BABAM2: variants seen among roughly 807,000 people sequenced by gnomAD.
BABAM2 encodes the protein BRISC and BRCA1-A complex member 2.
In BABAM2, 31 loss-of-function variants were observed where a neutral mutation model predicts 54.7. The ratio of observed to expected loss-of-function variants is 0.57; its 90% CI spans 0.43 to 0.77. The LOEUF (loss-of-function observed/expected upper bound fraction) is 0.77, where lower values mean the gene tolerates loss of function less well. BABAM2 is among the 30% of genes least tolerant of loss of function. BABAM2 has a pLI of 0.00. For synonymous variants in BABAM2, 167 were observed against 162.9 expected (o/e 1.03, Z -0.19); for missense variants, 364 against 455.8 (o/e 0.80, Z 1.83).
chr2:28,222,225 A>G (rs1252057425), intron 7 of BABAM2, among the ~76,000 whole-genome samples: 1 of 152,190 alleles, frequency 6.6e-6, no homozygotes, highest in Admixed American at 6.5e-5. Flanking sequence ...GGAGAGTACT[A>G]GGAATCCTGA....
At chr2:27,913,087 AT>A (rs1246540018) in intron 2 of BABAM2, among the ~76,000 whole-genome samples, 1 of 152,290 alleles carries the variant, frequency 6.6e-6, no homozygotes, top group East Asian at 1.9e-4. Flanking sequence ...GGAAGAACAG[AT>A]TAAAAAAAAT....
intron 3 of BABAM2, among the ~76,000 whole-genome samples, chr2:27,965,503 G>A (rs956473436): frequency 2.0e-5 from 3 of 151,860 alleles, no homozygotes; most frequent in Non-Finnish European, 4.4e-5. Context: ...GCGTCATATC[G>A]TGTCATCCAT....
chr2:28,181,982 A>G lies in BABAM2; in HGVS notation c.680+52602A>G, dbSNP rs151184364. Among the ~76,000 whole-genome samples the G allele has an allele frequency of 3.2e-3, 487 of 152,148 alleles. 1 individual carries two copies. The highest frequency in any genetic ancestry group is 0.01 in the African/African-American group (432 of 41,506). On this transcript the variant is annotated intron_variant, in intron 7 of 11. Transcript: ENST00000379624. Reference sequence around the variant, plus strand: ...GGGGCAGAGTTCTCCAGGGCGGAGAATCTGTGAGCACAAAGGCCTGGGGTG... The same window carrying G: ...GGGGCAGAGTTCTCCAGGGCGGAGAGTCTGTGAGCACAAAGGCCTGGGGTG...
intron 3 of BABAM2, among the ~76,000 whole-genome samples, chr2:27,958,598 A>G (rs1203613231): frequency 6.6e-6 from 1 of 150,802 alleles, no homozygotes; most frequent in Non-Finnish European, 1.5e-5. Context: ...TTTTTTTTTA[A>G]TTTTTATTTT....
intron 3 of BABAM2, among the ~76,000 whole-genome samples, chr2:27,958,648 A>T (rs1318954559): frequency 6.6e-6 from 1 of 152,072 alleles, no homozygotes; most frequent in East Asian, 1.9e-4. Flanking sequence ...AAGAGGTAGA[A>T]GGTCTACAAA....
chr2:28,099,449 C>A (rs767568264), intron 6 of BABAM2, among the ~76,000 whole-genome samples: 1 of 152,152 alleles, frequency 6.6e-6, no homozygotes, highest in Non-Finnish European at 1.5e-5. Context: ...GCACTTGTTG[C>A]ATTAACGATA....
intron 2 of BABAM2, among the ~76,000 whole-genome samples, chr2:27,920,834 C>T (rs1038262271): frequency 1.3e-5 from 2 of 151,986 alleles, no homozygotes; most frequent in Admixed American, 1.3e-4. Context: ...TTATTTTTTT[C>T]CAGACAGTGT....
intron 3 of BABAM2, among the ~76,000 whole-genome samples, chr2:27,966,165 C>T (rs777783395): frequency 1.3e-5 from 2 of 152,120 alleles, no homozygotes; most frequent in Non-Finnish European, 2.9e-5. Flanking sequence ...GTCGTCTTTG[C>T]TTAGATCCGT....
intron 7 of BABAM2, among the ~76,000 whole-genome samples, chr2:28,195,368 T>C (rs1677404355): frequency 6.6e-6 from 1 of 152,214 alleles, no homozygotes; most frequent in Non-Finnish European, 1.5e-5. Context: ...TTATAGATAA[T>C]AATAACATAA....
intron 7 of BABAM2, among the ~76,000 whole-genome samples, chr2:28,178,900 A>G (rs1675316050): frequency 6.6e-6 from 1 of 152,150 alleles, no homozygotes; most frequent in South Asian, 2.1e-4. Flanking sequence ...GGAAATAGAT[A>G]CATTCCTGGA....
intron 7 of BABAM2, among the ~76,000 whole-genome samples, chr2:28,161,597 C>T (rs889289243): frequency 3.3e-5 from 5 of 152,132 alleles, no homozygotes; most frequent in Admixed American, 2.0e-4. Context: ...CAAGGGTTAG[C>T]CAGAACTGTC....
chr2:28,133,378 A>C (rs971864612), intron 7 of BABAM2, among the ~76,000 whole-genome samples: 1 of 152,164 alleles, frequency 6.6e-6, no homozygotes, highest in Non-Finnish European at 1.5e-5. Flanking sequence ...GAGTCATGGG[A>C]AAAGCATCCC....
intron 10 of BABAM2, among the ~76,000 whole-genome samples, chr2:28,294,107 A>ATGGTGGCTCATGCC (rs1687496867): frequency 6.6e-6 from 1 of 151,712 alleles, no homozygotes; most frequent in Admixed American, 6.6e-5. Context: ...CTGGCCAGGC[A>ATGGTGGCTCATGCC]TGGTGGCTCA....
intron 11 of BABAM2, among the ~76,000 whole-genome samples, chr2:28,302,311 G>A (rs778604315): frequency 5.3e-5 from 8 of 151,974 alleles, no homozygotes; most frequent in Non-Finnish European, 1.2e-4. Context: ...CAGCTACTCC[G>A]GAGGCTGAGG....
chr2:28,182,402 G>A (rs1046679359), intron 7 of BABAM2, among the ~76,000 whole-genome samples: 1 of 152,156 alleles, frequency 6.6e-6, no homozygotes, highest in African/African-American at 2.4e-5. Flanking sequence ...GGATCTCACG[G>A]TTTCTGCTGA....
intron 7 of BABAM2, among the ~76,000 whole-genome samples, chr2:28,173,604 G>C (rs1674595896): frequency 6.6e-6 from 1 of 152,244 alleles, no homozygotes; most frequent in Admixed American, 6.5e-5. Flanking sequence ...CAAGACTTCA[G>C]GATCACACTG....
chr2:27,963,420 A>C (rs1221323661), intron 3 of BABAM2, among the ~76,000 whole-genome samples: 1 of 141,272 alleles, frequency 7.1e-6, no homozygotes, highest in Admixed American at 7.2e-5. Flanking sequence ...CGGTGAGCTG[A>C]GATTGCACCA....
chr2:28,005,491 A>G (rs896272710), intron 4 of BABAM2, among the ~76,000 whole-genome samples: 2 of 152,140 alleles, frequency 1.3e-5, no homozygotes, highest in African/African-American at 4.8e-5. Context: ...TTTTTCAAGG[A>G]AACAATGCAT....
chr2:28,027,331 T>C (rs771375956), intron 5 of BABAM2, among the ~76,000 whole-genome samples: 27 of 152,116 alleles, frequency 1.8e-4, no homozygotes, highest in Admixed American at 1.8e-3. Flanking sequence ...AATTTACATA[T>C]CATAAATTTA....
Sources: allele counts gnomAD v4.1 joint callset (sites outside exome capture counted in the v4.1 genomes callset), GRCh38; gene constraint gnomAD v4.1.1; transcripts MANE v1.5; gene names NCBI Gene and HGNC (gene_info 2026-07-23, HGNC 2026-07-21).